SHE: variants seen among roughly 807,000 people sequenced by gnomAD.
SHE encodes SH2 domain-containing adapter protein E.
Under a neutral mutation model 49.8 loss-of-function variants are expected in SHE, and 11 were observed. The observed-to-expected ratio is 0.22, with a 90% confidence interval of 0.14 to 0.37. SHE has a LOEUF of 0.37. SHE is among the 10% of genes least tolerant of loss of function. SHE has a pLI of 1.00. For synonymous variants in SHE, 310 were observed against 278.1 expected, an observed-to-expected ratio of 1.11 and a Z score of -1.14; for missense variants, 624 against 655.5, an observed-to-expected ratio of 0.95 and a Z score of 0.52.
chr1:154,495,051 C>T (rs1031515778), intron 2 of SHE, among the ~76,000 whole-genome samples: 2 of 152,120 alleles, frequency 1.3e-5, no homozygotes, highest in Non-Finnish European at 2.9e-5. Flanking sequence ...GACTCCGTCT[C>T]AAAAAAACAA....
chr1:154,483,460 C>T lies in SHE; in HGVS notation c.*689G>A, dbSNP rs578083406. On this transcript the variant is annotated 3_prime_UTR_variant, in exon 6 of 6. Transcript: ENST00000304760. ...TCTGCACCATCATGTGGAAAAGCCA[C>T]GTGGATTTTTTGTTGGTTTGTTTAG... The T allele has an allele frequency of 2.7e-5, 27 of 985,368 alleles. No individual in the cohort carries two copies. The highest frequency in any genetic ancestry group is 4.7e-5 in the South Asian group (1 of 21,288). 61.0% of individuals were successfully genotyped at this position (985,368 alleles called of 1,614,324 possible). A position where few individuals can be genotyped will look rare whatever the true frequency, so the allele number is the denominator to read the frequency against.
intron 1 of SHE, among the ~76,000 whole-genome samples, chr1:154,500,609 T>C (rs1692685690): frequency 6.6e-6 from 1 of 152,100 alleles, no homozygotes; most frequent in Non-Finnish European, 1.5e-5. Context: ...TCTCCCCCTT[T>C]CACATCGGAG....
At chr1:154,491,693 G>A (rs995316251) in intron 2 of SHE, among the ~76,000 whole-genome samples, 1 of 152,206 alleles carries the variant, frequency 6.6e-6, no homozygotes, top group Non-Finnish European at 1.5e-5. Flanking sequence ...TGGATGGATG[G>A]ATGGGAGGAG....
intron 5 of SHE, chr1:154,485,726 A>T: frequency 2.0e-6 from 1 of 500,316 alleles, no homozygotes. Flanking sequence ...ATGCAATAAG[A>T]CCTTCATTAT....
intron 2 of SHE, among the ~76,000 whole-genome samples, chr1:154,497,106 C>T (rs1026642920): frequency 6.6e-6 from 1 of 152,216 alleles, no homozygotes; most frequent in Non-Finnish European, 1.5e-5. Flanking sequence ...AGGGTCACAG[C>T]CTGGCCAGGG....
chr1:154,496,102 T>C (rs1692521314), intron 2 of SHE, among the ~76,000 whole-genome samples: 1 of 152,258 alleles, frequency 6.6e-6, no homozygotes, highest in Non-Finnish European at 1.5e-5. Flanking sequence ...TAGCTTCCGA[T>C]AAACTCACTT....
At chr1:154,492,811 G>A (rs1253289710) in intron 2 of SHE, among the ~76,000 whole-genome samples, 1 of 152,164 alleles carries the variant, frequency 6.6e-6, no homozygotes. Flanking sequence ...GAGACCATCT[G>A]GCACAGGCTG....
At position 154,480,119 on chromosome 1, in the gene SHE, G is replaced by A. The variant is rs1691980591; in HGVS notation, c.*4030C>T. 2 of 985,394 alleles carry A rather than the reference G, an allele frequency of 2.0e-6. No individual in the cohort carries two copies. Among genetic ancestry groups the A allele is most frequent in the Non-Finnish European group, 2.4e-6 (2 of 829,924 alleles). The allele number at this position is 985,394 out of a possible 1,614,324, so 61.0% of individuals were successfully genotyped here. ...AAGTTTCTCTAGTCCACGTTAGTGG[G>A]GCACAAAAATTGGAAATGAGAATAC... On this transcript the variant is annotated 3_prime_UTR_variant, in exon 6 of 6. Transcript: ENST00000304760.
At chr1:154,500,395 T>C (rs953181266) in intron 1 of SHE, among the ~76,000 whole-genome samples, 3 of 152,162 alleles carry the variant, frequency 2.0e-5, no homozygotes, top group Non-Finnish European at 2.9e-5. Context: ...AGGGTGGGCA[T>C]GCTGTATTTA....
intron 3 of SHE, among the ~76,000 whole-genome samples, chr1:154,488,573 T>A (rs1409877348): frequency 6.6e-6 from 1 of 150,926 alleles, no homozygotes; most frequent in Non-Finnish European, 1.5e-5. Flanking sequence ...ATACTTTTAT[T>A]TATTTATGTA....
At chr1:154,477,270 T>G (rs1179991187), downstream of SHE, among the ~76,000 whole-genome samples, 1 of 152,230 alleles carries the variant, frequency 6.6e-6, no homozygotes, top group Non-Finnish European at 1.5e-5. Flanking sequence ...GACCTGAATG[T>G]CCAGTCTGCT....
intron 1 of SHE, among the ~76,000 whole-genome samples, chr1:154,473,004 A>T (rs576891667): frequency 1.8e-4 from 27 of 149,198 alleles, no homozygotes; most frequent in African/African-American, 5.2e-4. Context: ...CTACAAAATA[A>T]TTTTTTTTTT....
chr1:154,499,249 A>G lies in SHE; in HGVS notation c.592-11T>C. ...TTCTAAAATGATGACCTGAAAAAGA[A>G]CAAGAGAGGACAGTTGCTAAGGGCC... On this transcript the variant is annotated splice_polypyrimidine_tract_variant and intron_variant, in intron 1 of 5. Transcript: ENST00000304760. 1 of 1,610,008 alleles carries G rather than the reference A, an allele frequency of 6.2e-7. No individual in the cohort carries two copies. Among genetic ancestry groups the G allele is most frequent in the Non-Finnish European group, 8.5e-7 (1 of 1,177,552 alleles).
At position 154,483,281 on chromosome 1, in the gene SHE, C is replaced by G. The variant is rs1014289201; in HGVS notation, c.*868G>C. 35 of 985,348 alleles carry G rather than the reference C, an allele frequency of 3.6e-5. No homozygotes were observed. In the African/African-American group the frequency reaches 5.4e-4, roughly 15 times the overall value. The allele number at this position is 985,348 out of a possible 1,614,324, so 61.0% of individuals were successfully genotyped here. ...TGGAAAGGCTGACCAACAAAATAAT[C>G]CTTAGGCCACACTCTGAAGTTGCGG... On this transcript the variant is annotated 3_prime_UTR_variant, in exon 6 of 6. Coordinates refer to ENST00000304760, the MANE Select transcript of SHE (RefSeq NM_001010846.3).
intron 2 of SHE, among the ~76,000 whole-genome samples, chr1:154,493,102 A>G (rs1692418278): frequency 6.6e-6 from 1 of 152,236 alleles, no homozygotes; most frequent in Non-Finnish European, 1.5e-5. Context: ...CTATTTAGAC[A>G]GTCTCCCCAC....
chr1:154,470,425 A>T (rs1445293806), intron 1 of SHE: 2 of 1,278,586 alleles, frequency 1.6e-6, no homozygotes, highest in Non-Finnish European at 2.0e-6. Context: ...CATTTTCCTT[A>T]TTTACTGAGG....
chr1:154,481,561 A>T lies in SHE; in HGVS notation c.*2588T>A. On this transcript the variant is annotated 3_prime_UTR_variant, in exon 6 of 6. Coordinates refer to ENST00000304760, the MANE Select transcript of SHE (RefSeq NM_001010846.3). The stretch of plus-strand genomic sequence containing the variant: ...TCACAGTTGCTGGGTATGGGCCAAA[A>T]ATCATTTAGTGCACAAAGAAAAATT... The T allele has an allele frequency of 6.1e-6, 6 of 985,414 alleles. No homozygotes were observed. The highest frequency in any genetic ancestry group is 7.2e-6 in the Non-Finnish European group (6 of 829,924). 61.0% of individuals were successfully genotyped at this position (985,414 alleles called of 1,614,324 possible).
rs1204785168 is a variant in SHE at position 154,480,077 on chromosome 1, C to A, written c.*4072G>T. The A allele has an allele frequency of 1.0e-5, 10 of 985,332 alleles. No homozygotes were observed. Among genetic ancestry groups the A allele is most frequent in the African/African-American group, 3.5e-5 (2 of 57,206 alleles). The allele number at this position is 985,332 out of a possible 1,614,324, so 61.0% of individuals were successfully genotyped here. A position where few individuals can be genotyped will look rare whatever the true frequency, so the allele number is the denominator to read the frequency against. On this transcript the variant is annotated 3_prime_UTR_variant, in exon 6 of 6. Coordinates refer to ENST00000304760, the MANE Select transcript of SHE (RefSeq NM_001010846.3). ...GTGGAGGGTAAGTTGAACAGAAGGC[C>A]CACTGCACAGCAGGCCAAGTTTCTC... is the stretch of plus-strand genomic sequence containing the variant.
At position 154,470,307 on chromosome 1, in the gene SHE, G is replaced by T. The variant is rs781175745; in HGVS notation, c.*34C>A. 97 of 1,288,848 alleles carry T rather than the reference G, an allele frequency of 7.5e-5. 2 individuals are homozygous for T. The South Asian group carries it at 1.2e-3, about 16-fold the overall frequency. The allele number at this position is 1,288,848 out of a possible 1,614,324, so 79.8% of individuals were successfully genotyped here. On this transcript the variant is annotated 3_prime_UTR_variant, in exon 2 of 2. Transcript: ENST00000486773. ...CCTTTCTTCATGGCATTGCTGTTAGGATGACATGGTTACGGTGCTCTTTCC... is the reference window on the plus strand; with the variant it reads ...CCTTTCTTCATGGCATTGCTGTTAGTATGACATGGTTACGGTGCTCTTTCC...
Sources: allele counts gnomAD v4.1 joint callset (sites outside exome capture counted in the v4.1 genomes callset), GRCh38; gene constraint gnomAD v4.1.1; transcripts MANE v1.5; gene names NCBI Gene and HGNC (gene_info 2026-07-23, HGNC 2026-07-21).